The following ADGRL3 variants were observed in gnomAD, a reference collection of about 807,000 sequenced individuals.
ADGRL3 encodes the protein adhesion G protein-coupled receptor L3.
In ADGRL3, 62 loss-of-function variants were observed where a neutral mutation model predicts 153.5. The observed-to-expected ratio is 0.40, with a 90% confidence interval of 0.33 to 0.50. The LOEUF is 0.50. Ranked by LOEUF, ADGRL3 falls within the 20% of genes least tolerant of loss-of-function variation. The pLI is 0.47. For synonymous variants in ADGRL3, 710 were observed against 672.5 expected (o/e 1.06, Z -0.86); for missense variants, 1,641 against 1,859.4 (o/e 0.88, Z 2.16).
At chr4:61,366,359 T>A (rs2096397144) in intron 1 of ADGRL3, among the ~76,000 whole-genome samples, 1 of 152,218 alleles carries the variant, frequency 6.6e-6, no homozygotes, top group Non-Finnish European at 1.5e-5. Flanking sequence ...GAGTATAGCC[T>A]GACATCCTGA....
chr4:61,919,670 T>A (rs763532844), intron 13 of ADGRL3, among the ~76,000 whole-genome samples: 7 of 152,208 alleles, frequency 4.6e-5, no homozygotes, highest in Non-Finnish European at 7.3e-5. Context: ...TATTGAAGAA[T>A]GTGAACAGGT....
chr4:61,672,288 G>A (rs181362473), intron 5 of ADGRL3, among the ~76,000 whole-genome samples: 1 of 152,116 alleles, frequency 6.6e-6, no homozygotes, highest in African/African-American at 2.4e-5. Flanking sequence ...AGTTTCCCCA[G>A]CCTCCTTTAT....
intron 2 of ADGRL3, among the ~76,000 whole-genome samples, chr4:61,435,925 A>G (rs1560629078): frequency 6.6e-6 from 1 of 152,206 alleles, no homozygotes; most frequent in East Asian, 1.9e-4. Context: ...TTTATTGGTG[A>G]TCATTTTTGT....
At chr4:61,776,223 C>G (rs1434857517) in intron 8 of ADGRL3, among the ~76,000 whole-genome samples, 1 of 152,066 alleles carries the variant, frequency 6.6e-6, no homozygotes, top group Non-Finnish European at 1.5e-5. Flanking sequence ...TTAAACGCAC[C>G]CAAGCCTCCG....
At chr4:61,530,389 TA>T (rs61318359) in intron 4 of ADGRL3, among the ~76,000 whole-genome samples, 3,554 of 142,004 alleles carry the variant, frequency 0.025, 77 homozygotes, top group African/African-American at 0.07. Flanking sequence ...CTACCCTCCC[TA>T]AAAAAAAAAA....
chr4:61,672,847 C>G (rs1362004520), intron 5 of ADGRL3, among the ~76,000 whole-genome samples: 3 of 151,952 alleles, frequency 2.0e-5, no homozygotes, highest in Admixed American at 1.3e-4. Context: ...AGAAATGAAT[C>G]AATATCTTAA....
intron 9 of ADGRL3, among the ~76,000 whole-genome samples, chr4:61,814,267 A>G (rs2097663777): frequency 6.6e-6 from 1 of 150,610 alleles, no homozygotes; most frequent in African/African-American, 2.4e-5. Flanking sequence ...TCTAAATCAT[A>G]TTGACAGATT....
At chr4:61,466,547 A>G (rs942208459) in intron 2 of ADGRL3, among the ~76,000 whole-genome samples, 3 of 152,174 alleles carry the variant, frequency 2.0e-5, no homozygotes, top group East Asian at 3.9e-4. Flanking sequence ...ACGCCATTAT[A>G]TTGCCAAAGA....
At chr4:61,688,737 G>A (rs2095490007) in intron 6 of ADGRL3, among the ~76,000 whole-genome samples, 1 of 152,010 alleles carries the variant, frequency 6.6e-6, no homozygotes, top group Admixed American at 6.6e-5. Context: ...TACCTCCCTT[G>A]ACTATTTGTA....
intron 8 of ADGRL3, among the ~76,000 whole-genome samples, chr4:61,739,271 A>T (rs1013213236): frequency 4.0e-5 from 6 of 151,840 alleles, no homozygotes; most frequent in African/African-American, 1.2e-4. Flanking sequence ...TAATAATCTT[A>T]TTGATATTGT....
chr4:61,249,401 A>T (rs894618557), intron 1 of ADGRL3, among the ~76,000 whole-genome samples: 1 of 152,088 alleles, frequency 6.6e-6, no homozygotes, highest in African/African-American at 2.4e-5. Flanking sequence ...TGTCTTCATG[A>T]TCTGGAGAGA....
At chr4:61,485,914 CTTT>C (rs5858704) in intron 2 of ADGRL3, among the ~76,000 whole-genome samples, 2 of 147,636 alleles carry the variant, frequency 1.4e-5, no homozygotes. Context: ...CTATGGAATG[CTTT>C]TTTTTTTTTG....
intron 25 of ADGRL3, among the ~76,000 whole-genome samples, chr4:62,051,133 G>GTA (rs138231374): frequency 2.9e-4 from 40 of 140,110 alleles, no homozygotes; most frequent in South Asian, 1.4e-3. Flanking sequence ...ATATATGTGT[G>GTA]TATATATATA....
At chr4:61,733,939 C>T (rs570753795) in intron 8 of ADGRL3, among the ~76,000 whole-genome samples, 1 of 152,298 alleles carries the variant, frequency 6.6e-6, no homozygotes, top group South Asian at 2.1e-4. Context: ...TGGAACTTGT[C>T]AAAGGGTTAA....
At position 61,716,508 on chromosome 4, in the gene ADGRL3, G is replaced by T. The variant is rs1020937925; in HGVS notation, c.584-14114G>T. On this transcript the variant is annotated intron_variant, in intron 6 of 26. Coordinates refer to ENST00000683033, the MANE Select transcript of ADGRL3 (RefSeq NM_001387552.1). Reference sequence around the variant, plus strand: ...ATTGAGTTAGCTTGTAGCGAAATGAGTTTGCTCCATTTTCACATAATTTTT... The same window carrying T: ...ATTGAGTTAGCTTGTAGCGAAATGATTTTGCTCCATTTTCACATAATTTTT... Among the ~76,000 whole-genome samples, 6 of 152,136 alleles carry T rather than the reference G, an allele frequency of 3.9e-5. No individual in the cohort carries two copies. The South Asian group carries it at 6.2e-4, about 16-fold the overall frequency.
chr4:61,595,864 C>T (rs959525480), intron 5 of ADGRL3, among the ~76,000 whole-genome samples: 1 of 152,150 alleles, frequency 6.6e-6, no homozygotes, highest in Admixed American at 6.6e-5. Context: ...CTGTCTAGGG[C>T]TGGTCCAAAT....
At chr4:61,982,187 T>C (rs1200393811) in intron 18 of ADGRL3, among the ~76,000 whole-genome samples, 2 of 152,208 alleles carry the variant, frequency 1.3e-5, no homozygotes, top group Non-Finnish European at 2.9e-5. Context: ...ATGTTATATA[T>C]GGTATGAAAA....
chr4:61,447,897 A>G (rs182187001), intron 2 of ADGRL3, among the ~76,000 whole-genome samples: 1 of 152,324 alleles, frequency 6.6e-6, no homozygotes, highest in Non-Finnish European at 1.5e-5. Context: ...TTCTGTTCAT[A>G]TAAAAACAAA....
intron 9 of ADGRL3, among the ~76,000 whole-genome samples, chr4:61,831,054 A>C (rs1420205246): frequency 6.6e-6 from 1 of 150,526 alleles, no homozygotes; most frequent in Non-Finnish European, 1.5e-5. Context: ...ACACCCGGCT[A>C]ATTTTTGTAT....
Sources: allele counts gnomAD v4.1 joint callset (sites outside exome capture counted in the v4.1 genomes callset), GRCh38; gene constraint gnomAD v4.1.1; transcripts MANE v1.5; gene names NCBI Gene and HGNC (gene_info 2026-07-23, HGNC 2026-07-21).